TMCC1: variants seen among roughly 807,000 people sequenced by gnomAD.
TMCC1 encodes the protein transmembrane and coiled-coil domains protein 1.
In TMCC1, 15 loss-of-function variants were observed where a neutral mutation model predicts 52.4. The observed-to-expected ratio is 0.29, with a 90% CI of 0.19 to 0.44. The LOEUF (loss-of-function observed/expected upper bound fraction) is 0.44, where lower values mean the gene tolerates loss of function less well. Among genes scored for constraint, TMCC1 ranks in the 20% least tolerant of loss-of-function variants. The probability of loss-of-function intolerance (pLI) is 1.00; values close to 1 mark genes in which losing one functional copy is unlikely to be tolerated. For missense variants in TMCC1, 503 were observed against 806.0 expected (o/e 0.62, Z 4.55); for synonymous variants, 279 against 301.9 (o/e 0.92, Z 0.79).
intron 1 of TMCC1, among the ~76,000 whole-genome samples, chr3:129,886,591 T>C (rs2061713980): frequency 6.6e-6 from 1 of 152,168 alleles, no homozygotes; most frequent in Non-Finnish European, 1.5e-5. Flanking sequence ...AATGAAGTAC[T>C]GATACTTGCT....
chr3:129,671,916 C>A (rs1192717057), intron 4 of TMCC1, among the ~76,000 whole-genome samples: 1 of 152,082 alleles, frequency 6.6e-6, no homozygotes, highest in Non-Finnish European at 1.5e-5. Context: ...ATGAATGTTA[C>A]CAAATCAAAG....
intron 5 of TMCC1, among the ~76,000 whole-genome samples, chr3:129,660,324 T>C (rs1221690066): frequency 6.6e-6 from 1 of 152,176 alleles, no homozygotes; most frequent in African/African-American, 2.4e-5. Context: ...ATTTTGTTTT[T>C]GTATTTTCTG....
intron 4 of TMCC1, among the ~76,000 whole-genome samples, chr3:129,782,753 G>A (rs2055637343): frequency 6.6e-6 from 1 of 152,182 alleles, no homozygotes; most frequent in African/African-American, 2.4e-5. Context: ...GGTGGTTGCT[G>A]AGTACCATTT....
At chr3:129,788,088 G>T (rs1177160348) in intron 4 of TMCC1, among the ~76,000 whole-genome samples, 4 of 152,284 alleles carry the variant, frequency 2.6e-5, no homozygotes, top group East Asian at 1.9e-4. Flanking sequence ...AAAGGAAGGG[G>T]AAGAGTATAT....
chr3:129,666,613 A>G (rs939265235), intron 5 of TMCC1, among the ~76,000 whole-genome samples: 8 of 151,954 alleles, frequency 5.3e-5, no homozygotes, highest in African/African-American at 1.9e-4. Flanking sequence ...GGTGGCAGAC[A>G]CCTGTAATCC....
intron 2 of TMCC1, among the ~76,000 whole-genome samples, chr3:129,837,336 G>T (rs752432862): frequency 6.6e-6 from 1 of 152,068 alleles, no homozygotes; most frequent in Admixed American, 6.6e-5. Flanking sequence ...GCAAGACTCA[G>T]ACTCTCACGG....
intron 4 of TMCC1, among the ~76,000 whole-genome samples, chr3:129,713,239 G>A: frequency 6.6e-6 from 1 of 152,158 alleles, no homozygotes; most frequent in East Asian, 1.9e-4. Context: ...TTTAGCCTGG[G>A]CTTTTTTCCT....
chr3:129,735,599 T>G (rs1287063848), intron 4 of TMCC1, among the ~76,000 whole-genome samples: 1 of 148,306 alleles, frequency 6.7e-6, no homozygotes, highest in Non-Finnish European at 1.5e-5. Flanking sequence ...CTGTGAACTA[T>G]GATTGTGCCA....
chr3:129,840,437 A>T (rs574805902), intron 2 of TMCC1, among the ~76,000 whole-genome samples: 1 of 152,322 alleles, frequency 6.6e-6, no homozygotes, highest in East Asian at 1.9e-4. Context: ...TATACCATAC[A>T]AACACTAATT....
chr3:129,863,687 C>T (rs1354821678), intron 2 of TMCC1, among the ~76,000 whole-genome samples: 2 of 152,066 alleles, frequency 1.3e-5, no homozygotes, highest in African/African-American at 2.4e-5. Context: ...CATGGTGAAA[C>T]CCCGTCTCTA....
intron 2 of TMCC1, among the ~76,000 whole-genome samples, chr3:129,859,355 T>C (rs181583332): frequency 6.6e-6 from 1 of 152,274 alleles, no homozygotes; most frequent in Non-Finnish European, 1.5e-5. Context: ...GAATTCAGGC[T>C]GGGTGTGATA....
chr3:129,758,737 G>C (rs1044232932), intron 4 of TMCC1, among the ~76,000 whole-genome samples: 1 of 152,132 alleles, frequency 6.6e-6, no homozygotes, highest in East Asian at 1.9e-4. Context: ...TAGTTCAGTA[G>C]TGTCAAATAT....
intron 2 of TMCC1, among the ~76,000 whole-genome samples, chr3:129,835,817 G>A: frequency 6.6e-6 from 1 of 152,036 alleles, no homozygotes; most frequent in South Asian, 2.1e-4. Flanking sequence ...AAATAGAAAG[G>A]AGAAAGAATT....
intron 2 of TMCC1, among the ~76,000 whole-genome samples, chr3:129,872,257 C>G (rs2060964916): frequency 6.6e-6 from 1 of 152,116 alleles, no homozygotes; most frequent in Non-Finnish European, 1.5e-5. Flanking sequence ...CTTTCCTAGA[C>G]ACACTTGGAG....
At chr3:129,681,803 G>A (rs2089007146) in intron 4 of TMCC1, among the ~76,000 whole-genome samples, 1 of 151,926 alleles carries the variant, frequency 6.6e-6, no homozygotes, top group Non-Finnish European at 1.5e-5. Context: ...AGCTACTTGG[G>A]AGGCTGAGGC....
chr3:129,865,133 G>A (rs1472957968), intron 2 of TMCC1, among the ~76,000 whole-genome samples: 1 of 152,064 alleles, frequency 6.6e-6, no homozygotes, highest in African/African-American at 2.4e-5. Context: ...CAAGAAGTCA[G>A]ACTAGCCTCT....
rs368659931 is a variant in TMCC1, at chr3:129,655,001, C to T, written c.1614G>A (p.Ala538=). 54 of 1,613,922 alleles carry T rather than the reference C, an allele frequency of 3.3e-5. No individual in the cohort carries two copies. Among genetic ancestry groups the T allele is most frequent in the Non-Finnish European group, 3.6e-5 (43 of 1,180,026 alleles). The change falls in exon 6 of 7, where the codon GCG becomes GCA. Residue 538 remains alanine (A), a synonymous_variant. Coordinates refer to ENST00000393238, the MANE Select transcript of TMCC1 (RefSeq NM_001017395.5). ...QELASMEEKI[A]YQSYERARDI... is the part of the protein sequence containing the mutation. ...CCCGGGCCCGTTCATAGGACTGATA[C>T]GCGATTTTTTCTTCCATGCTTGCCA... is the stretch of plus-strand genomic sequence containing the variant.
At chr3:129,870,759 CAAAAAAAA>C (rs61673201) in intron 2 of TMCC1, among the ~76,000 whole-genome samples, 2 of 10,678 alleles carry the variant, frequency 1.9e-4, no homozygotes, top group Non-Finnish European at 2.6e-4. Flanking sequence ...GACTCCATCT[CAAAAAAAA>C]AAAAAAAAAA....
intron 2 of TMCC1, chr3:129,848,094 C>T (rs988576262): frequency 3.9e-5 from 6 of 152,150 alleles, no homozygotes; most frequent in African/African-American, 1.4e-4. Flanking sequence ...AATATTTTCT[C>T]CCAGCCCAAG....
Sources: gnomAD v4.1 joint callset for allele counts (sites outside exome capture counted in the v4.1 genomes callset) on GRCh38, gnomAD v4.1.1 for gene constraint, MANE v1.5 for transcripts, NCBI Gene and HGNC (gene_info 2026-07-23, HGNC 2026-07-21) for gene names.